RIMS2: variants seen among roughly 807,000 people sequenced by gnomAD.
RIMS2 encodes regulating synaptic membrane exocytosis protein 2.
RIMS2 carries 59 observed loss-of-function variants against 174.4 expected under a neutral mutation model. The observed-to-expected ratio is 0.34, with a 90% confidence interval of 0.27 to 0.42. The LOEUF is 0.42. Among genes scored for constraint, RIMS2 ranks in the 10% least tolerant of loss-of-function variants. The pLI is 1.00. For synonymous variants in RIMS2, 606 were observed against 572.5 expected, an observed-to-expected ratio of 1.06 and a Z score of -0.84; for missense variants, 1,620 against 1,666.3, an observed-to-expected ratio of 0.97 and a Z score of 0.48.
intron 19 of RIMS2, among the ~76,000 whole-genome samples, chr8:104,222,261 A>G (rs1187776365): frequency 6.6e-6 from 1 of 152,118 alleles, no homozygotes; most frequent in African/African-American, 2.4e-5. Flanking sequence ...TGCTTTGATC[A>G]CTGTTGCATC....
intron 17 of RIMS2, among the ~76,000 whole-genome samples, chr8:104,012,354 C>A (rs76948265): frequency 7.2e-6 from 1 of 139,022 alleles, no homozygotes; most frequent in Non-Finnish European, 1.6e-5. Context: ...TCCTTTTTTT[C>A]TTTTTTTTTT....
In RIMS2 at chr8:103,811,634, C is replaced by T. The variant is rs540968885; in HGVS notation, c.698+45097C>T. Among the ~76,000 whole-genome samples the T allele has an allele frequency of 5.3e-5, 8 of 152,124 alleles. No individual in the cohort carries two copies. The South Asian group carries it at 1.0e-3, about 20-fold the overall frequency. Reference sequence around the variant, plus strand: ...TAATTTTTTGCATTTTTAATAGAGACGGGGTTTCACCATGTTGGCCAGGCT... The same window carrying T: ...TAATTTTTTGCATTTTTAATAGAGATGGGGTTTCACCATGTTGGCCAGGCT... On this transcript the variant is annotated intron_variant, in intron 3 of 23. Transcript: ENST00000504942.
chr8:103,503,020 TATA>T (rs1821187181), intron 1 of RIMS2, among the ~76,000 whole-genome samples: 1 of 152,004 alleles, frequency 6.6e-6, no homozygotes, highest in Admixed American at 6.5e-5. Flanking sequence ...ATTCAATACA[TATA>T]ATATTTACAT....
chr8:103,768,963 T>C (rs2098215194), intron 3 of RIMS2: 1 of 382,184 alleles, frequency 2.6e-6, no homozygotes, highest in Admixed American at 3.3e-5. Context: ...AGGAACAAAT[T>C]GCTAAGAAAT....
At chr8:103,707,040 TCTC>T (rs1296570064) in intron 2 of RIMS2, among the ~76,000 whole-genome samples, 1 of 152,222 alleles carries the variant, frequency 6.6e-6, no homozygotes, top group Non-Finnish European at 1.5e-5. Flanking sequence ...TACTGATTCT[TCTC>T]CTTCATCAAT....
intron 16 of RIMS2, among the ~76,000 whole-genome samples, chr8:103,978,527 C>G (rs7844847): frequency 0.011 from 1,679 of 152,342 alleles, 41 homozygotes; most frequent in African/African-American, 0.038. Flanking sequence ...AAGAAAGGGT[C>G]AAACTGCAGC....
chr8:104,148,915 C>T (rs1180650343), intron 19 of RIMS2, 67 bp downstream of exon 25: 1 of 1,492,572 alleles, frequency 6.7e-7, no homozygotes, highest in South Asian at 1.2e-5. Context: ...TTTCTTTTCT[C>T]TTACTCATTT....
intron 3 of RIMS2, among the ~76,000 whole-genome samples, chr8:103,801,722 T>G (rs936983279): frequency 6.6e-6 from 1 of 152,228 alleles, no homozygotes; most frequent in African/African-American, 2.4e-5. Context: ...TGCCTTTTAG[T>G]CTGCTATCCA....
At chr8:103,680,520 A>G (rs2096867100) in intron 1 of RIMS2, among the ~76,000 whole-genome samples, 1 of 152,062 alleles carries the variant, frequency 6.6e-6, no homozygotes, top group Non-Finnish European at 1.5e-5. Context: ...CACCAAAGCT[A>G]CAAATGATGA....
intron 19 of RIMS2, among the ~76,000 whole-genome samples, chr8:104,046,086 C>T (rs968420124): frequency 3.3e-5 from 5 of 152,002 alleles, no homozygotes; most frequent in Non-Finnish European, 5.9e-5. Context: ...AACAAAATGT[C>T]ATAAGCTAGG....
At chr8:103,634,965 A>G (rs959411932) in intron 1 of RIMS2, among the ~76,000 whole-genome samples, 2 of 151,892 alleles carry the variant, frequency 1.3e-5, no homozygotes, top group Non-Finnish European at 2.9e-5. Flanking sequence ...GGTCTTTTTT[A>G]TCCAGCTTGC....
At chr8:103,595,693 G>T (rs2094454619) in intron 1 of RIMS2, among the ~76,000 whole-genome samples, 1 of 151,904 alleles carries the variant, frequency 6.6e-6, no homozygotes, top group African/African-American at 2.4e-5. Context: ...AGTTGGGTCA[G>T]TCAGTTCATT....
chr8:104,250,868 T>G (rs1248848338), intron 22 of RIMS2, among the ~76,000 whole-genome samples, 156 bp from the exon 29 acceptor site: 2 of 152,220 alleles, frequency 1.3e-5, no homozygotes, highest in Non-Finnish European at 2.9e-5. Flanking sequence ...AGTTATCCAC[T>G]GTTTATCTAA....
intron 19 of RIMS2, among the ~76,000 whole-genome samples, chr8:104,185,019 T>C (rs1379804611): frequency 6.6e-6 from 1 of 151,478 alleles, no homozygotes; most frequent in Non-Finnish European, 1.5e-5. Flanking sequence ...GCGTCTGTTA[T>C]GACTGGCGGG....
chr8:104,087,677 CCACA>C (rs1448036522), intron 19 of RIMS2, among the ~76,000 whole-genome samples: 1 of 152,078 alleles, frequency 6.6e-6, no homozygotes, highest in African/African-American at 2.4e-5. Flanking sequence ...ATAAAATAAT[CCACA>C]CATATTATTT....
chr8:103,932,534 G>T (rs1426250515), intron 12 of RIMS2, among the ~76,000 whole-genome samples: 1 of 152,114 alleles, frequency 6.6e-6, no homozygotes, highest in Non-Finnish European at 1.5e-5. Flanking sequence ...AACAATTTAG[G>T]TTGTCTTTTG....
At chr8:104,171,516 C>A (rs998423922) in intron 19 of RIMS2, among the ~76,000 whole-genome samples, 3 of 151,306 alleles carry the variant, frequency 2.0e-5, no homozygotes, top group South Asian at 2.1e-4. Flanking sequence ...ATATATATAT[C>A]TCTCTCTGGA....
chr8:103,508,120 G>A (rs898545855), intron 1 of RIMS2, among the ~76,000 whole-genome samples: 20 of 152,026 alleles, frequency 1.3e-4, no homozygotes, highest in African/African-American at 4.3e-4. Context: ...TTCACTGCTA[G>A]ATATTAAAAA....
At chr8:103,813,595 C>CTTGGA in intron 3 of RIMS2, among the ~76,000 whole-genome samples, 1 of 152,096 alleles carries the variant, frequency 6.6e-6, no homozygotes, top group Non-Finnish European at 1.5e-5. Flanking sequence ...TGTTCCCCCA[C>CTTGGA]CCTGTGTCCA....
Sources: allele counts gnomAD v4.1 joint callset (sites outside exome capture counted in the v4.1 genomes callset), GRCh38; gene constraint gnomAD v4.1.1; transcripts MANE v1.5; gene names NCBI Gene and HGNC (gene_info 2026-07-23, HGNC 2026-07-21).